SORCS2: variants seen among roughly 807,000 people sequenced by gnomAD.
The protein encoded by SORCS2 is sortilin related VPS10 domain containing receptor 2, also known as VPS10 domain-containing receptor SorCS2.
Under a neutral mutation model 141.6 loss-of-function variants are expected in SORCS2, and 100 were observed. The ratio of observed to expected loss-of-function variants is 0.71; its 90% CI spans 0.60 to 0.83. SORCS2 has a LOEUF of 0.83. Among genes scored for constraint, SORCS2 ranks in the 40% least tolerant of loss-of-function variants. SORCS2 has a pLI of 0.00. For missense variants in SORCS2, 1,646 were observed against 1,560.2 expected (o/e 1.05, Z -0.93); for synonymous variants, 789 against 676.9 (o/e 1.17, Z -2.57).
chr4:7,265,220 C>T (rs528842252), intron 1 of SORCS2, among the ~76,000 whole-genome samples: 94 of 152,314 alleles, frequency 6.2e-4, no homozygotes, highest in African/African-American at 2.1e-3. Context: ...AGGCTGGGCA[C>T]GATGGCTCAT....
At chr4:7,410,995 C>T (rs10023034) in intron 2 of SORCS2, among the ~76,000 whole-genome samples, 6 of 117,460 alleles carry the variant, frequency 5.1e-5, no homozygotes, top group South Asian at 3.1e-4. Flanking sequence ...CTGAATCTGT[C>T]GCCAGGCCAG....
At chr4:7,449,794 A>G (rs1340330344) in intron 2 of SORCS2, among the ~76,000 whole-genome samples, 2 of 151,992 alleles carry the variant, frequency 1.3e-5, no homozygotes, top group Non-Finnish European at 2.9e-5. Context: ...CCGGAATCCA[A>G]TGGCATCCCC....
At chr4:7,308,755 C>T (rs905329501) in intron 1 of SORCS2, among the ~76,000 whole-genome samples, 5 of 152,062 alleles carry the variant, frequency 3.3e-5, no homozygotes, top group Non-Finnish European at 5.9e-5. Flanking sequence ...AGCACCCTGT[C>T]GTCTCGCTCC....
intron 2 of SORCS2, among the ~76,000 whole-genome samples, chr4:7,456,675 T>G (rs1230937620): frequency 1.3e-5 from 2 of 152,074 alleles, no homozygotes; most frequent in Non-Finnish European, 2.9e-5. Flanking sequence ...AACCCTTGGA[T>G]TTTTGCTCTG....
rs919815440 is a variant in SORCS2 at position 7,391,263 on chromosome 4, A to G, written c.481-5025A>G. Among the ~76,000 whole-genome samples the G allele has an allele frequency of 5.3e-5, 8 of 152,358 alleles. No homozygotes were observed. The South Asian group carries it at 1.5e-3, about 28-fold the overall frequency. On this transcript the variant is annotated intron_variant, in intron 1 of 26. Transcript: ENST00000507866. The stretch of plus-strand genomic sequence containing the variant: ...CTGACGACTTTGCTGCTGGCCCATC[A>G]GCCCTGGAGCTGAGACTTCCTCTGA...
intron 3 of SORCS2, among the ~76,000 whole-genome samples, chr4:7,573,512 G>A (rs961229147): frequency 6.6e-6 from 1 of 152,138 alleles, no homozygotes; most frequent in African/African-American, 2.4e-5. Context: ...TTTTTTGTTT[G>A]TTTGTTTCTT....
chr4:7,194,912 T>G (rs778119828), intron 1 of SORCS2, among the ~76,000 whole-genome samples: 104 of 152,114 alleles, frequency 6.8e-4, no homozygotes, highest in Admixed American at 3.1e-3. Flanking sequence ...CCTTTGTCAT[T>G]TAGCTTCCTG....
At chr4:7,247,090 G>A (rs1300692219) in intron 1 of SORCS2, among the ~76,000 whole-genome samples, 1 of 152,184 alleles carries the variant, frequency 6.6e-6, no homozygotes, top group African/African-American at 2.4e-5. Context: ...GGGGAGCAGT[G>A]GGCCTACCTG....
Position 7,729,715 on chromosome 4 carries a change from A to T in SORCS2, c.3108+3A>T. On this transcript the variant is annotated splice_donor_region_variant and intron_variant, in intron 23 of 26. Transcript: ENST00000507866. ...AGAGGAGCCTCTCGAGTGATAAGGT[A>T]TGTCCTGTGGCCGCTGCACTCCCAG... The T allele has an allele frequency of 6.2e-7, 1 of 1,610,752 alleles. No individual in the cohort carries two copies. The highest frequency in any genetic ancestry group is 1.1e-5 in the South Asian group (1 of 90,144).
intron 4 of SORCS2, among the ~76,000 whole-genome samples, chr4:7,641,797 G>T (rs1720744659): frequency 8.6e-6 from 1 of 116,104 alleles, no homozygotes; most frequent in Non-Finnish European, 1.9e-5. Context: ...TGGATGGATG[G>T]ATGGATGGAT....
At chr4:7,437,791 C>T (rs184768626) in intron 2 of SORCS2, among the ~76,000 whole-genome samples, 49 of 152,220 alleles carry the variant, frequency 3.2e-4, no homozygotes, top group Non-Finnish European at 6.2e-4. Flanking sequence ...AAGGCACTCC[C>T]GAGTACCTTT....
chr4:7,341,501 C>T (rs1197022425), intron 1 of SORCS2, among the ~76,000 whole-genome samples: 1 of 152,208 alleles, frequency 6.6e-6, no homozygotes, highest in Admixed American at 6.5e-5. Context: ...TTTCTCTCTA[C>T]TCTTCAGGCT....
At chr4:7,389,916 G>A (rs1723748274) in intron 1 of SORCS2, among the ~76,000 whole-genome samples, 1 of 152,184 alleles carries the variant, frequency 6.6e-6, no homozygotes, top group Admixed American at 6.5e-5. Context: ...GTGAGCAGGG[G>A]TGCGGGCCTC....
At chr4:7,519,648 C>T (rs28446021) in intron 2 of SORCS2, among the ~76,000 whole-genome samples, 12,248 of 152,320 alleles carry the variant, frequency 0.08, 684 homozygotes, top group African/African-American at 0.16. Context: ...AGAACTTCTG[C>T]CCTCATCCCT....
intron 1 of SORCS2, among the ~76,000 whole-genome samples, chr4:7,306,212 A>G (rs569109342): frequency 5.3e-5 from 8 of 152,276 alleles, no homozygotes; most frequent in African/African-American, 1.9e-4. Flanking sequence ...ACAGACACCT[A>G]AGCCCGGGCT....
intron 3 of SORCS2, among the ~76,000 whole-genome samples, chr4:7,601,309 C>T (rs1253444011): frequency 7.4e-6 from 1 of 135,180 alleles, no homozygotes; most frequent in African/African-American, 2.8e-5. Context: ...CAAATTAAAC[C>T]TCATTTTTTT....
intron 2 of SORCS2, among the ~76,000 whole-genome samples, chr4:7,411,623 T>C (rs922039127): frequency 6.6e-6 from 1 of 152,046 alleles, no homozygotes; most frequent in African/African-American, 2.4e-5. Flanking sequence ...CACCCCTCCA[T>C]CCACCTACCT....
chr4:7,472,647 G>A (rs1040356708), intron 2 of SORCS2, among the ~76,000 whole-genome samples: 12 of 152,196 alleles, frequency 7.9e-5, no homozygotes, highest in South Asian at 4.1e-4. Context: ...GGAAGGACAC[G>A]GGAGGGCAGA....
chr4:7,533,449 C>T (rs1452673240), intron 3 of SORCS2, among the ~76,000 whole-genome samples: 1 of 152,236 alleles, frequency 6.6e-6, no homozygotes, highest in African/African-American at 2.4e-5. Context: ...CCCCCCACCT[C>T]CTGGCCCAGC....
Sources: allele counts gnomAD v4.1 joint callset (sites outside exome capture counted in the v4.1 genomes callset), GRCh38; gene constraint gnomAD v4.1.1; transcripts MANE v1.5; gene names NCBI Gene and HGNC (gene_info 2026-07-23, HGNC 2026-07-21).